The following HS3ST4 variants were observed in gnomAD, a reference collection of about 807,000 sequenced individuals.
The protein encoded by HS3ST4 is heparan sulfate glucosamine 3-O-sulfotransferase 4.
In HS3ST4, 17 loss-of-function variants were observed where a neutral mutation model predicts 29.2. The observed-to-expected ratio is 0.58, with a 90% CI of 0.40 to 0.87. The LOEUF (loss-of-function observed/expected upper bound fraction) is 0.87. Among genes scored for constraint, HS3ST4 ranks in the 40% least tolerant of loss-of-function variants. The pLI is 0.00. For synonymous variants in HS3ST4, 314 were observed against 285.7 expected, an observed-to-expected ratio of 1.10 and a Z score of -1.00; for missense variants, 627 against 634.5, an observed-to-expected ratio of 0.99 and a Z score of 0.13.
intron 1 of HS3ST4, among the ~76,000 whole-genome samples, chr16:26,050,438 A>G (rs1488010752): frequency 2.0e-5 from 3 of 152,206 alleles, no homozygotes; most frequent in African/African-American, 7.2e-5. Flanking sequence ...ACAGGATTGA[A>G]CATGTCCACA....
chr16:25,935,014 A>T (rs747735471), intron 1 of HS3ST4, among the ~76,000 whole-genome samples: 1 of 152,022 alleles, frequency 6.6e-6, no homozygotes, highest in Non-Finnish European at 1.5e-5. Flanking sequence ...TGTTCTCATG[A>T]TAGTGAATGA....
rs141669614 is a variant in HS3ST4, at chr16:25,939,103, C to T, written c.735-196509C>T. On this transcript the variant is annotated intron_variant, in intron 1 of 1. Coordinates refer to ENST00000331351, the MANE Select transcript of HS3ST4 (RefSeq NM_006040.3). Reference sequence around the variant, plus strand: ...ACTATTAATTGTTTGGCTGGTAGTTCCTGCATGCAGAGACCAGAAACACAC... The same window carrying T: ...ACTATTAATTGTTTGGCTGGTAGTTTCTGCATGCAGAGACCAGAAACACAC... 4.5e-3 allele frequency among the ~76,000 whole-genome samples: 681 copies of T among 152,070 alleles called. 4 individuals are homozygous for T. The highest frequency in any genetic ancestry group is 0.016 in the African/African-American group (649 of 41,478).
chr16:26,000,539 C>T lies in HS3ST4; in HGVS notation c.735-135073C>T, dbSNP rs528637029. On this transcript the variant is annotated intron_variant, in intron 1 of 1. Coordinates refer to ENST00000331351, the MANE Select transcript of HS3ST4 (RefSeq NM_006040.3). ...GGCCAGCCCTGGTCCTTAATGATAT[C>T]CGTGGAACCAGAGAAGTGGGATCTG... is the stretch of plus-strand genomic sequence containing the variant. 2.0e-5 allele frequency among the ~76,000 whole-genome samples: 3 copies of T among 152,224 alleles called. No homozygotes were observed. In the South Asian group the frequency reaches 6.2e-4, roughly 32 times the overall value.
intron 1 of HS3ST4, among the ~76,000 whole-genome samples, chr16:25,805,795 A>G (rs932437421): frequency 6.6e-6 from 1 of 152,094 alleles, no homozygotes; most frequent in Non-Finnish European, 1.5e-5. Flanking sequence ...TGCTGCACCT[A>G]TCAACCGAAG....
chr16:25,776,415 C>CT (rs1966847574), intron 1 of HS3ST4, among the ~76,000 whole-genome samples: 1 of 152,294 alleles, frequency 6.6e-6, no homozygotes, highest in East Asian at 1.9e-4. Flanking sequence ...CCATTTGTCT[C>CT]TTATCTACCT....
At chr16:26,020,582 A>G (rs1771604654) in intron 1 of HS3ST4, among the ~76,000 whole-genome samples, 2 of 152,226 alleles carry the variant, frequency 1.3e-5, no homozygotes, top group South Asian at 4.1e-4. Flanking sequence ...GCATGTTGAA[A>G]GCACCCCTAG....
intron 1 of HS3ST4, among the ~76,000 whole-genome samples, chr16:25,990,474 G>A (rs1567288809): frequency 6.6e-6 from 1 of 152,238 alleles, no homozygotes; most frequent in Non-Finnish European, 1.5e-5. Flanking sequence ...GAACCCAGAT[G>A]TTTCGGCTCA....
At chr16:26,019,662 C>A (rs1037184660) in intron 1 of HS3ST4, among the ~76,000 whole-genome samples, 2 of 152,090 alleles carry the variant, frequency 1.3e-5, no homozygotes, top group African/African-American at 2.4e-5. Flanking sequence ...CACTTCTTAT[C>A]AAAACAGATC....
At chr16:25,880,783 AAT>A (rs1967886380) in intron 1 of HS3ST4, among the ~76,000 whole-genome samples, 1 of 152,220 alleles carries the variant, frequency 6.6e-6, no homozygotes. Flanking sequence ...ATGTGGAATG[AAT>A]AGAGACATCC....
intron 1 of HS3ST4, among the ~76,000 whole-genome samples, chr16:26,118,738 A>G (rs1257825892): frequency 1.3e-5 from 2 of 152,156 alleles, no homozygotes; most frequent in Non-Finnish European, 2.9e-5. Flanking sequence ...GGATGAGGAA[A>G]TATCAAATGC....
chr16:25,971,707 C>G (rs11864338), intron 1 of HS3ST4, among the ~76,000 whole-genome samples: 13,354 of 152,136 alleles, frequency 0.088, 765 homozygotes, highest in Non-Finnish European at 0.12. Flanking sequence ...AGGCTAATCA[C>G]GAGGTCAGGA....
intron 1 of HS3ST4, among the ~76,000 whole-genome samples, chr16:25,937,511 C>T (rs4262950): frequency 0.027 from 4,169 of 152,144 alleles, 170 homozygotes; most frequent in African/African-American, 0.095. Context: ...GGAACAGGAG[C>T]GTAGGAAAGC....
At chr16:25,721,942 C>T (rs924901024) in intron 1 of HS3ST4, among the ~76,000 whole-genome samples, 5 of 152,166 alleles carry the variant, frequency 3.3e-5, no homozygotes, top group South Asian at 2.1e-4. Context: ...GCAAGGAAGA[C>T]GTAGAAGATG....
At chr16:25,737,978 C>T (rs1966622268) in intron 1 of HS3ST4, among the ~76,000 whole-genome samples, 1 of 149,422 alleles carries the variant, frequency 6.7e-6, no homozygotes, top group South Asian at 2.1e-4. Flanking sequence ...AATCTCGGCT[C>T]ACTGCAACCT....
chr16:25,915,480 A>G (rs897111686), intron 1 of HS3ST4, among the ~76,000 whole-genome samples: 3 of 152,242 alleles, frequency 2.0e-5, no homozygotes, highest in African/African-American at 7.2e-5. Context: ...TTCCAAGAGC[A>G]TAACATCTGT....
intron 1 of HS3ST4, among the ~76,000 whole-genome samples, chr16:25,812,800 C>G (rs1246922877): frequency 6.6e-6 from 1 of 151,950 alleles, no homozygotes; most frequent in Non-Finnish European, 1.5e-5. Context: ...CTCCTAGTCT[C>G]AAGCGATCCC....
At chr16:25,724,365 CT>C (rs111516910) in intron 1 of HS3ST4, among the ~76,000 whole-genome samples, 4,447 of 142,596 alleles carry the variant, frequency 0.031, 73 homozygotes, top group Middle Eastern at 0.044. Context: ...CTCCCCTCAA[CT>C]TTTTTTTTTT....
intron 1 of HS3ST4, among the ~76,000 whole-genome samples, chr16:25,770,726 G>GCTTC (rs930658572): frequency 6.6e-6 from 1 of 152,166 alleles, no homozygotes; most frequent in African/African-American, 2.4e-5. Context: ...TGGGCTGCTT[G>GCTTC]CTTCCTGATA....
At chr16:25,761,430 G>A (rs897715050) in intron 1 of HS3ST4, among the ~76,000 whole-genome samples, 1 of 152,098 alleles carries the variant, frequency 6.6e-6, no homozygotes, top group South Asian at 2.1e-4. Flanking sequence ...TTATTTAAAA[G>A]GTCACAGGTA....
Sources: gnomAD v4.1 joint callset for allele counts (sites outside exome capture counted in the v4.1 genomes callset) on GRCh38, gnomAD v4.1.1 for gene constraint, MANE v1.5 for transcripts, NCBI Gene and HGNC (gene_info 2026-07-23, HGNC 2026-07-21) for gene names.